Variants in WDR70 observed in about 807,000 individuals in gnomAD.
WDR70 encodes the protein WD repeat domain 70.
Under a neutral mutation model 88.6 loss-of-function variants are expected in WDR70, and 53 were observed. That is an observed-to-expected ratio of 0.60 (90% CI 0.48 to 0.75). WDR70 has a LOEUF of 0.75. Ranked by LOEUF, WDR70 falls within the 30% of genes least tolerant of loss-of-function variation. WDR70 has a pLI of 0.00. For missense variants in WDR70, 610 were observed against 823.2 expected, an observed-to-expected ratio of 0.74 and a Z score of 3.17; for synonymous variants, 280 against 270.0, an observed-to-expected ratio of 1.04 and a Z score of -0.36.
rs1581347091 is a variant in WDR70, at chr5:37,506,968, C to G, written c.841-9546C>G. On this transcript the variant is annotated intron_variant, in intron 8 of 17. Transcript: ENST00000265107. ...TCCCTCCACCCACTTGGATTCACCT[C>G]CCTTTGCCACCTTCCTGCCCTTGGG... is the stretch of plus-strand genomic sequence containing the variant. 1.5e-5 allele frequency: 10 copies of G among 664,152 alleles called. No individual in the cohort carries two copies. The East Asian group carries it at 2.6e-4, about 17-fold the overall frequency. 41.1% of individuals were successfully genotyped at this position (664,152 alleles called of 1,614,324 possible).
chr5:37,712,048 A>G (rs1747528855), intron 13 of WDR70, among the ~76,000 whole-genome samples: 1 of 137,158 alleles, frequency 7.3e-6, no homozygotes, highest in Non-Finnish European at 1.5e-5. Flanking sequence ...GCTGGAGTGC[A>G]GTGGCACGAT....
chr5:37,684,548 A>G (rs985564855), intron 10 of WDR70, among the ~76,000 whole-genome samples: 1 of 152,148 alleles, frequency 6.6e-6, no homozygotes, highest in Non-Finnish European at 1.5e-5. Flanking sequence ...CATTTCTGGA[A>G]GATTATAGGG....
chr5:37,624,256 A>G (rs1359863696), intron 10 of WDR70, among the ~76,000 whole-genome samples: 1 of 151,970 alleles, frequency 6.6e-6, no homozygotes. Context: ...TTTTACTTCT[A>G]TGAGATCAAC....
In WDR70 at chr5:37,637,562, G is replaced by A. The variant is rs572025794; in HGVS notation, c.1092+32324G>A. Among the ~76,000 whole-genome samples, 6 of 152,164 alleles carry A rather than the reference G, an allele frequency of 3.9e-5. No homozygotes were observed. In the South Asian group the frequency reaches 8.3e-4, roughly 21 times the overall value. ...GAGACAATTTTAGGACATCAAGAAG[G>A]TCTGTTTAATAAATGAAGGGGTAAA... On this transcript the variant is annotated intron_variant, in intron 10 of 17. Transcript: ENST00000265107.
chr5:37,658,996 T>A (rs528605204), intron 10 of WDR70, among the ~76,000 whole-genome samples: 57 of 152,234 alleles, frequency 3.7e-4, no homozygotes, highest in Non-Finnish European at 6.5e-4. Flanking sequence ...ATCCCTGATC[T>A]CCATACTAGA....
intron 8 of WDR70, among the ~76,000 whole-genome samples, chr5:37,487,999 A>C (rs929506171): frequency 6.6e-5 from 10 of 151,368 alleles, no homozygotes; most frequent in Admixed American, 1.3e-4. Flanking sequence ...AGTGGTGATG[A>C]ATTTCCTGCT....
intron 9 of WDR70, among the ~76,000 whole-genome samples, chr5:37,544,012 TCCA>T (rs1402460295): frequency 6.6e-6 from 1 of 152,274 alleles, no homozygotes; most frequent in Non-Finnish European, 1.5e-5. Context: ...CGTCAAGGGA[TCCA>T]CCTGCCTCAG....
In WDR70 at chr5:37,749,894, C is replaced by T. The variant is rs144535578; in HGVS notation, c.1878-2592C>T. ...CAAATATTTGTCCTTTTTCTTTTCT[C>T]ATGGCTGCTAGGAAATTCAGTGCTA... On this transcript the variant is annotated intron_variant, in intron 17 of 17. Transcript: ENST00000265107. 2.0e-3 allele frequency among the ~76,000 whole-genome samples: 301 copies of T among 149,586 alleles called. 1 individual carries two copies. Among genetic ancestry groups the T allele is most frequent in the African/African-American group, 6.8e-3 (282 of 41,250 alleles).
At chr5:37,613,552 A>G (rs904416699) in intron 10 of WDR70, among the ~76,000 whole-genome samples, 2 of 152,208 alleles carry the variant, frequency 1.3e-5, no homozygotes, top group Admixed American at 1.3e-4. Context: ...TCCCTTTACC[A>G]TCACAGAAGA....
At position 37,674,242 on chromosome 5, in the gene WDR70, TTTA is replaced by T. The variant is rs199638903; in HGVS notation, c.1093-23402_1093-23400del. Among the ~76,000 whole-genome samples the T allele has an allele frequency of 7.5e-3, 1,137 of 152,048 alleles. 22 individuals are homozygous for T. Among genetic ancestry groups the T allele is most frequent in the African/African-American group, 0.026 (1,071 of 41,456 alleles). On this transcript the variant is annotated intron_variant, in intron 10 of 17. Coordinates refer to ENST00000265107, the MANE Select transcript of WDR70 (RefSeq NM_018034.4). ...TAATTTCCATTTTCTTTTTTTTTAT[TTTA>T]TTATTATTATACTTTAAGTTTTACA...
chr5:37,526,052 G>A (rs755262729), intron 9 of WDR70, among the ~76,000 whole-genome samples: 1 of 152,160 alleles, frequency 6.6e-6, no homozygotes, highest in Non-Finnish European at 1.5e-5. Flanking sequence ...TCTACTAGAG[G>A]TACAAGGAGG....
intron 13 of WDR70, among the ~76,000 whole-genome samples, chr5:37,715,585 G>T (rs760348732): frequency 2.6e-5 from 4 of 152,128 alleles, no homozygotes; most frequent in Non-Finnish European, 4.4e-5. Context: ...ACTTCAGAGG[G>T]ATGAAGCCAA....
intron 10 of WDR70, among the ~76,000 whole-genome samples, chr5:37,663,785 T>C (rs1745765313): frequency 6.6e-6 from 1 of 152,188 alleles, no homozygotes; most frequent in Admixed American, 6.6e-5. Flanking sequence ...CTTTCTCTTG[T>C]AGTTCCCCAC....
At position 37,717,147 on chromosome 5, in the gene WDR70, G is replaced by A. The variant is rs184793527; in HGVS notation, c.1417-3968G>A. Reference sequence around the variant, plus strand: ...AATGGGCTTTGGTTTAAAAGAATAAGCTTCATTTTGTGCTGAAATGTAAAG... The same window carrying A: ...AATGGGCTTTGGTTTAAAAGAATAAACTTCATTTTGTGCTGAAATGTAAAG... On this transcript the variant is annotated intron_variant, in intron 13 of 17. Coordinates refer to ENST00000265107, the MANE Select transcript of WDR70 (RefSeq NM_018034.4). Among the ~76,000 whole-genome samples the A allele has an allele frequency of 2.7e-3, 411 of 152,304 alleles. 2 individuals are homozygous for A. Among genetic ancestry groups the A allele is most frequent in the Non-Finnish European group, 4.0e-3 (269 of 68,012 alleles).
intron 15 of WDR70, 192 bp from the exon 16 acceptor site, chr5:37,724,742 C>T (rs1747921176): frequency 1.7e-6 from 1 of 586,264 alleles, no homozygotes; most frequent in Admixed American, 2.9e-5. Flanking sequence ...TGTTAGCTGC[C>T]AGGAGAGGTG....
At chr5:37,557,959 T>TTTGAAAACTCTTCCA in intron 9 of WDR70, among the ~76,000 whole-genome samples, 3 of 146,502 alleles carry the variant, frequency 2.0e-5, no homozygotes, top group African/African-American at 5.0e-5. Flanking sequence ...AAAAGAGTAT[T>TTTGAAAACTCTTCCA]ATGTATATTT....
At chr5:37,557,959 T>TCTTTTGA in intron 9 of WDR70, among the ~76,000 whole-genome samples, 4 of 146,614 alleles carry the variant, frequency 2.7e-5, no homozygotes, top group Non-Finnish European at 6.0e-5. Context: ...AAAAGAGTAT[T>TCTTTTGA]ATGTATATTT....
intron 9 of WDR70, among the ~76,000 whole-genome samples, chr5:37,539,090 C>T (rs1741742768): frequency 2.0e-5 from 3 of 152,168 alleles, no homozygotes; most frequent in South Asian, 2.1e-4. Flanking sequence ...ATTACATACT[C>T]AGGAATTTTT....
chr5:37,406,832 G>A (rs1401761678), intron 5 of WDR70, among the ~76,000 whole-genome samples: 1 of 152,108 alleles, frequency 6.6e-6, no homozygotes, highest in Non-Finnish European at 1.5e-5. Flanking sequence ...ACATAATTAA[G>A]GAGCAACAGA....
Sources: gnomAD v4.1 joint callset for allele counts (sites outside exome capture counted in the v4.1 genomes callset) on GRCh38, gnomAD v4.1.1 for gene constraint, MANE v1.5 for transcripts, NCBI Gene and HGNC (gene_info 2026-07-23, HGNC 2026-07-21) for gene names.